FHIT: variants seen among roughly 807,000 people sequenced by gnomAD.
FHIT encodes the protein fragile histidine triad diadenosine triphosphatase.
FHIT carries 19 observed loss-of-function variants against 17.9 expected under a neutral mutation model. The ratio of observed to expected loss-of-function variants is 1.06; its 90% CI spans 0.74 to 1.56. The LOEUF (loss-of-function observed/expected upper bound fraction) is 1.56. FHIT is among the 40% of genes most tolerant of loss of function. The pLI is 0.00. For synonymous variants in FHIT, 81 were observed against 69.7 expected (o/e 1.16, Z -0.81); for missense variants, 248 against 189.2 (o/e 1.31, Z -1.82).
chr3:60,256,735 A>G (rs917036659), intron 5 of FHIT, among the ~76,000 whole-genome samples: 1 of 152,194 alleles, frequency 6.6e-6, no homozygotes, highest in Non-Finnish European at 1.5e-5. Context: ...CAGCACCATC[A>G]TAATTCTAAT....
chr3:60,379,117 C>G (rs574494520), intron 5 of FHIT, among the ~76,000 whole-genome samples: 1 of 152,130 alleles, frequency 6.6e-6, no homozygotes, highest in Non-Finnish European at 1.5e-5. Flanking sequence ...TGAGGAGAAC[C>G]GCTAAAGGTT....
At chr3:59,868,034 GT>G (rs10633871) in intron 8 of FHIT, among the ~76,000 whole-genome samples, 28 of 95,822 alleles carry the variant, frequency 2.9e-4, no homozygotes, top group South Asian at 1.6e-3. Flanking sequence ...CTGTGGAAAT[GT>G]TTTTTTTTTT....
intron 5 of FHIT, among the ~76,000 whole-genome samples, chr3:60,357,585 T>A (rs1162033628): frequency 6.6e-6 from 1 of 152,130 alleles, no homozygotes; most frequent in African/African-American, 2.4e-5. Context: ...TAAATGATGA[T>A]TTCTTGACAA....
At chr3:59,963,413 C>T (rs1203518861) in intron 7 of FHIT, among the ~76,000 whole-genome samples, 3 of 151,852 alleles carry the variant, frequency 2.0e-5, no homozygotes, top group Admixed American at 6.5e-5. Context: ...ATGCTAGTAC[C>T]GTTAGTTCCT....
At chr3:61,178,428 G>A (rs1367925729) in intron 2 of FHIT, among the ~76,000 whole-genome samples, 1 of 151,044 alleles carries the variant, frequency 6.6e-6, no homozygotes, top group Non-Finnish European at 1.5e-5. Flanking sequence ...GGGCATTGGG[G>A]ATAAGAGGTG....
At chr3:61,116,333 T>A (rs2036297711) in intron 2 of FHIT, among the ~76,000 whole-genome samples, 1 of 152,096 alleles carries the variant, frequency 6.6e-6, no homozygotes, top group Non-Finnish European at 1.5e-5. Flanking sequence ...TCCCAAATAC[T>A]GAAGCAAAAA....
At chr3:60,186,796 G>A (rs1417038879) in intron 5 of FHIT, among the ~76,000 whole-genome samples, 1 of 149,494 alleles carries the variant, frequency 6.7e-6, no homozygotes, top group Non-Finnish European at 1.5e-5. Flanking sequence ...CTTTGTAGAT[G>A]GATGTTTTTA....
At chr3:60,257,640 G>A (rs974185096) in intron 5 of FHIT, among the ~76,000 whole-genome samples, 4 of 152,184 alleles carry the variant, frequency 2.6e-5, no homozygotes, top group Admixed American at 6.5e-5. Flanking sequence ...GACAAGGAAG[G>A]TGGAGGTAAA....
At chr3:61,130,881 C>G (rs570266039) in intron 2 of FHIT, among the ~76,000 whole-genome samples, 27 of 152,252 alleles carry the variant, frequency 1.8e-4, no homozygotes, top group Admixed American at 1.1e-3. Context: ...GACACTTAAC[C>G]CTTTGGGTTT....
At chr3:60,135,315 T>C (rs1468668903) in intron 5 of FHIT, among the ~76,000 whole-genome samples, 1 of 152,008 alleles carries the variant, frequency 6.6e-6, no homozygotes. Flanking sequence ...AAATATAAGA[T>C]TATAGGCGAG....
Position 60,999,936 on chromosome 3 carries a change from A to G in FHIT, c.-111+42111T>C, listed in dbSNP as rs79191485. Among the ~76,000 whole-genome samples the G allele has an allele frequency of 2.9e-3, 447 of 152,250 alleles. 6 individuals are homozygous for G. The highest frequency in any genetic ancestry group is 1.0e-2 in the African/African-American group (414 of 41,550). On this transcript the variant is annotated intron_variant, in intron 3 of 9. Transcript: ENST00000492590. Reference sequence around the variant, plus strand: ...TGATGGCTTCTGTCTGTCCTCACACAGTGGAGGGACTAGCAAGCTCCCTGG... The same window carrying G: ...TGATGGCTTCTGTCTGTCCTCACACGGTGGAGGGACTAGCAAGCTCCCTGG...
intron 3 of FHIT, among the ~76,000 whole-genome samples, chr3:60,860,655 A>G (rs1419066886): frequency 8.9e-6 from 1 of 112,974 alleles, no homozygotes; most frequent in Non-Finnish European, 1.9e-5. Flanking sequence ...ATGTACATAT[A>G]TCAGGTATAT....
At chr3:60,444,461 T>C (rs1206685392) in intron 5 of FHIT, among the ~76,000 whole-genome samples, 2 of 152,142 alleles carry the variant, frequency 1.3e-5, no homozygotes, top group African/African-American at 4.8e-5. Context: ...CCATCAATGA[T>C]AGACTGGATT....
At chr3:60,604,495 C>A (rs1024161696) in intron 4 of FHIT, among the ~76,000 whole-genome samples, 2 of 152,080 alleles carry the variant, frequency 1.3e-5, no homozygotes, top group Admixed American at 1.3e-4. Flanking sequence ...AGATAAAATC[C>A]CAAAAGGAAA....
intron 8 of FHIT, among the ~76,000 whole-genome samples, chr3:59,812,994 A>G (rs893681450): frequency 6.6e-6 from 1 of 152,152 alleles, no homozygotes; most frequent in Non-Finnish European, 1.5e-5. Context: ...GTTTAACAGT[A>G]AGTCCTAATC....
chr3:60,000,893 C>T (rs1335529844), intron 7 of FHIT, among the ~76,000 whole-genome samples: 1 of 152,214 alleles, frequency 6.6e-6, no homozygotes, highest in Non-Finnish European at 1.5e-5. Flanking sequence ...AAATTTCTGC[C>T]ACCTGGTCTT....
intron 3 of FHIT, among the ~76,000 whole-genome samples, chr3:60,930,747 A>G (rs1248011055): frequency 4.6e-5 from 7 of 152,156 alleles, no homozygotes; most frequent in Non-Finnish European, 5.9e-5. Context: ...AGAAATAGGA[A>G]CACTTTTACA....
chr3:59,909,902 G>A (rs948721097), intron 8 of FHIT, among the ~76,000 whole-genome samples: 2 of 152,170 alleles, frequency 1.3e-5, no homozygotes, highest in Admixed American at 1.3e-4. Flanking sequence ...TATGAAGAAA[G>A]GAACAGGAGT....
intron 3 of FHIT, among the ~76,000 whole-genome samples, chr3:60,980,830 G>A (rs1710462050): frequency 6.6e-6 from 1 of 152,116 alleles, no homozygotes; most frequent in African/African-American, 2.4e-5. Context: ...CTGAGCAGTT[G>A]CCAATAGTAA....
Sources: gnomAD v4.1 joint callset for allele counts (sites outside exome capture counted in the v4.1 genomes callset) on GRCh38, gnomAD v4.1.1 for gene constraint, MANE v1.5 for transcripts, NCBI Gene and HGNC (gene_info 2026-07-23, HGNC 2026-07-21) for gene names.